Variants in PPARD observed in about 807,000 individuals in gnomAD.
PPARD encodes peroxisome proliferator activated receptor delta.
A neutral mutation model predicts 39.5 loss-of-function variants in PPARD; 6 were observed. The ratio of observed to expected loss-of-function variants is 0.15; its 90% CI spans 0.08 to 0.30. The LOEUF is 0.30. Ranked by LOEUF, PPARD falls within the 10% of genes least tolerant of loss-of-function variation. The pLI, the probability that PPARD is intolerant of heterozygous loss-of-function variation, is 1.00. For synonymous variants in PPARD, 210 were observed against 231.3 expected (o/e 0.91, Z 0.83); for missense variants, 397 against 596.8 (o/e 0.67, Z 3.49).
At chr6:35,391,280 GAAAAGTT>G (rs1316491718) in intron 2 of PPARD, among the ~76,000 whole-genome samples, 1 of 152,166 alleles carries the variant, frequency 6.6e-6, no homozygotes, top group Non-Finnish European at 1.5e-5. Context: ...TAAAACTAGA[GAAAAGTT>G]AAAAGAATAA....
At chr6:35,397,287 G>A (rs1764393025) in intron 2 of PPARD, among the ~76,000 whole-genome samples, 1 of 151,016 alleles carries the variant, frequency 6.6e-6, no homozygotes, top group South Asian at 2.1e-4. Flanking sequence ...ATAGTTTAAG[G>A]GAGGAAGAAG....
chr6:35,382,589 C>T (rs901050585), intron 2 of PPARD, among the ~76,000 whole-genome samples: 2 of 152,172 alleles, frequency 1.3e-5, no homozygotes. Flanking sequence ...TCATTTTGAT[C>T]CCAAGAACAT....
At chr6:35,379,096 CTTTTT>C (rs966712151) in intron 2 of PPARD, among the ~76,000 whole-genome samples, 9 of 134,452 alleles carry the variant, frequency 6.7e-5, no homozygotes, top group Middle Eastern at 7.6e-3. Flanking sequence ...TCTTTTCTTT[CTTTTT>C]TTTTTTTTTT....
chr6:35,415,540 G>A (rs546061673), intron 3 of PPARD, among the ~76,000 whole-genome samples: 1 of 152,342 alleles, frequency 6.6e-6, no homozygotes, highest in Non-Finnish European at 1.5e-5. Context: ...CTCTCTGGGT[G>A]AGAGGGCTAG....
chr6:35,406,100 G>A (rs6942357), intron 2 of PPARD, among the ~76,000 whole-genome samples: 26,443 of 151,260 alleles, frequency 0.17, 4,701 homozygotes, highest in African/African-American at 0.45. Context: ...TGATTTTTGT[G>A]TTTTTAGTAG....
chr6:35,388,256 C>G (rs959869024), intron 2 of PPARD, among the ~76,000 whole-genome samples: 9 of 152,084 alleles, frequency 5.9e-5, no homozygotes, highest in African/African-American at 2.2e-4. Flanking sequence ...CTTTGAGAGA[C>G]TGAGACAGGA....
chr6:35,409,819 A>G (rs917053606), intron 2 of PPARD, among the ~76,000 whole-genome samples: 2 of 152,218 alleles, frequency 1.3e-5, no homozygotes, highest in African/African-American at 4.8e-5. Flanking sequence ...TTGGCTGTAC[A>G]TTACAATCAC....
chr6:35,411,311 G>T (rs375154689), intron 3 of PPARD, 94 bp downstream of exon 3: 7 of 1,307,168 alleles, frequency 5.4e-6, no homozygotes, highest in South Asian at 5.0e-5. Flanking sequence ...CATGTGGGGC[G>T]CAGAGTAGCA....
intron 2 of PPARD, among the ~76,000 whole-genome samples, chr6:35,371,863 C>G (rs917990528): frequency 5.9e-5 from 9 of 152,364 alleles, no homozygotes; most frequent in Middle Eastern, 6.8e-3. Flanking sequence ...GACTGTACTT[C>G]TAGTCCACAC....
At chr6:35,423,738 A>G (rs1766370072) in intron 5 of PPARD, among the ~76,000 whole-genome samples, 1 of 151,840 alleles carries the variant, frequency 6.6e-6, no homozygotes, top group Non-Finnish European at 1.5e-5. Flanking sequence ...TGCTCTTGCA[A>G]AGATACACCA....
chr6:35,415,288 AT>A (rs766908869), intron 3 of PPARD, among the ~76,000 whole-genome samples: 1 of 152,210 alleles, frequency 6.6e-6, no homozygotes, highest in Non-Finnish European at 1.5e-5. Flanking sequence ...CCAGCCTCAA[AT>A]CCCTGCAGAA....
chr6:35,397,723 A>G (rs929323995), intron 2 of PPARD: 2 of 182,942 alleles, frequency 1.1e-5, no homozygotes, highest in African/African-American at 4.8e-5. Flanking sequence ...AGAGACAAGC[A>G]CTAAACAAAT....
intron 2 of PPARD, among the ~76,000 whole-genome samples, chr6:35,396,351 C>T (rs1327065028): frequency 6.6e-6 from 1 of 151,258 alleles, no homozygotes; most frequent in African/African-American, 2.4e-5. Flanking sequence ...ACTATAGGCG[C>T]CCGCCACCAC....
intron 2 of PPARD, among the ~76,000 whole-genome samples, chr6:35,384,189 C>T (rs1300879140): frequency 7.1e-6 from 1 of 140,946 alleles, no homozygotes; most frequent in African/African-American, 2.7e-5. Context: ...TCTGCCCGGC[C>T]AGCGGCCCCG....
chr6:35,415,690 A>G (rs1765708856), intron 3 of PPARD, among the ~76,000 whole-genome samples: 1 of 152,076 alleles, frequency 6.6e-6, no homozygotes, highest in Non-Finnish European at 1.5e-5. Context: ...TGCCGAGGTT[A>G]AGAGCTCAGC....
chr6:35,384,199 G>A (rs1455458053), intron 2 of PPARD, among the ~76,000 whole-genome samples: 4 of 134,770 alleles, frequency 3.0e-5, no homozygotes, highest in Admixed American at 1.4e-4. Flanking sequence ...CAGCGGCCCC[G>A]TCCGGGAGGG....
rs1299061230 is a variant in PPARD, at chr6:35,355,578, A to G, written c.-102+8428A>G. Among the ~76,000 whole-genome samples, 78 of 125,722 alleles carry G rather than the reference A, an allele frequency of 6.2e-4. 1 individual carries two copies. The highest frequency in any genetic ancestry group is 1.2e-3 in the Admixed American group (16 of 12,826). The allele number at this position is 125,722 out of a possible 152,430, so 82.5% of individuals were successfully genotyped here. ...AAAAAAAAAAAAAAAAAAAAAAAAAAGTGCTTTCTTCTTCTTCTTCTTTTT... is the reference window on the plus strand; with the variant it reads ...AAAAAAAAAAAAAAAAAAAAAAAAAGGTGCTTTCTTCTTCTTCTTCTTTTT... On this transcript the variant is annotated intron_variant, in intron 2 of 7. Coordinates refer to ENST00000360694, the MANE Select transcript of PPARD (RefSeq NM_006238.5).
Position 35,426,327 on chromosome 6 carries a change from G to A in PPARD, c.*248G>A. On this transcript the variant is annotated 3_prime_UTR_variant, in exon 8 of 8. Transcript: ENST00000360694. ...AGTTCCTCTTTCTTTTCTAATTCCT[G>A]TTGCTCTGTTTCTTCCTTTCTGTAG... The A allele has an allele frequency of 1.8e-6, 1 of 566,504 alleles. No individual in the cohort carries two copies. The highest frequency in any genetic ancestry group is 3.1e-6 in the Non-Finnish European group (1 of 320,654). The allele number at this position is 566,504 out of a possible 1,614,324, so 35.1% of individuals were successfully genotyped here. A position where few individuals can be genotyped will look rare whatever the true frequency, so the allele number is the denominator to read the frequency against.
At chr6:35,354,712 A>G (rs543563776) in intron 2 of PPARD, among the ~76,000 whole-genome samples, 1 of 152,330 alleles carries the variant, frequency 6.6e-6, no homozygotes, top group African/African-American at 2.4e-5. Context: ...GCTCATGGAA[A>G]TGTTCTGGCA....
Sources: allele counts gnomAD v4.1 joint callset (sites outside exome capture counted in the v4.1 genomes callset), GRCh38; gene constraint gnomAD v4.1.1; transcripts MANE v1.5; gene names NCBI Gene and HGNC (gene_info 2026-07-23, HGNC 2026-07-21).